The following MLLT10 variants were observed in gnomAD, a reference collection of about 807,000 sequenced individuals.
The protein encoded by MLLT10 is protein AF-10.
MLLT10 carries 30 observed loss-of-function variants against 129.1 expected under a neutral mutation model. The observed-to-expected ratio is 0.23, with a 90% confidence interval of 0.17 to 0.32. The LOEUF (loss-of-function observed/expected upper bound fraction) is 0.32. MLLT10 is among the 10% of genes least tolerant of loss of function. The pLI is 1.00. For synonymous variants in MLLT10, 490 were observed against 446.4 expected (o/e 1.10, Z -1.23); for missense variants, 1,119 against 1,268.3 (o/e 0.88, Z 1.79).
intron 14 of MLLT10, among the ~76,000 whole-genome samples, chr10:21,720,500 A>G (rs1347757068): frequency 6.6e-6 from 1 of 152,236 alleles, no homozygotes; most frequent in Non-Finnish European, 1.5e-5. Context: ...ATCCATGTCT[A>G]ATGTTCATTC....
chr10:21,644,679 T>A (rs1210141763), intron 8 of MLLT10, among the ~76,000 whole-genome samples: 2 of 152,142 alleles, frequency 1.3e-5, no homozygotes, highest in Non-Finnish European at 2.9e-5. Flanking sequence ...TCTCACTCTG[T>A]CCCCCAAGCT....
At chr10:21,598,843 C>G (rs746931212) in intron 5 of MLLT10, among the ~76,000 whole-genome samples, 2 of 151,612 alleles carry the variant, frequency 1.3e-5, no homozygotes, top group South Asian at 2.1e-4. Context: ...CAAGATCACA[C>G]CACTTCACTC....
At chr10:21,707,526 A>G (rs1281605257) in intron 13 of MLLT10, among the ~76,000 whole-genome samples, 1 of 152,168 alleles carries the variant, frequency 6.6e-6, no homozygotes, top group East Asian at 1.9e-4. Context: ...ATGCACTGCA[A>G]GTCCTTGTCC....
chr10:21,722,410 A>G (rs2057196446), intron 14 of MLLT10, among the ~76,000 whole-genome samples: 2 of 152,214 alleles, frequency 1.3e-5, no homozygotes, highest in South Asian at 2.1e-4. Context: ...CTTTCAATGC[A>G]CTTTTCAAAA....
chr10:21,543,334 T>TG (rs1357765693), intron 3 of MLLT10, among the ~76,000 whole-genome samples: 1 of 152,102 alleles, frequency 6.6e-6, no homozygotes, highest in Non-Finnish European at 1.5e-5. Flanking sequence ...TTGGCCAGGC[T>TG]GGTCTCGAAC....
At position 21,670,453 on chromosome 10, in the gene MLLT10, A is replaced by G. The variant is rs1564617450; in HGVS notation, c.800A>G (p.Tyr267Cys). The G allele has an allele frequency of 6.2e-7, 1 of 1,609,156 alleles. No individual in the cohort carries two copies. The highest frequency in any genetic ancestry group is 8.5e-7 in the Non-Finnish European group (1 of 1,178,470). The change falls in exon 10 of 23, where the codon TAT becomes TGT. Residue 267 changes from tyrosine (Y) to cysteine (C), a missense_variant. Physicochemically the swap from Tyr to Cys is radical, Grantham distance 194. Around this residue, in one of 5 missense-constraint regions of MLLT10, gnomAD observed 1,004 missense variants for 1,008.7 expected, o/e 1.00. Transcript: ENST00000307729. ...PSLTVTTEKT[Y>C]TSTSNNSISG... ...CTTTTTGAATCAAAATGTTAGACTT[A>G]TACAAGCACTAGCAACAACTCTATA...
chr10:21,550,564 C>T (rs1484421851), intron 3 of MLLT10, among the ~76,000 whole-genome samples: 2 of 152,134 alleles, frequency 1.3e-5, no homozygotes, highest in African/African-American at 2.4e-5. Flanking sequence ...CAGGGTCTTG[C>T]CCTGTTACCC....
chr10:21,659,092 T>A (rs1270730889), intron 9 of MLLT10, among the ~76,000 whole-genome samples: 1 of 151,566 alleles, frequency 6.6e-6, no homozygotes, highest in African/African-American at 2.4e-5. Flanking sequence ...GAGTATGTAT[T>A]CTGGATGCAG....
At chr10:21,683,010 G>A (rs2052903949) in intron 13 of MLLT10, among the ~76,000 whole-genome samples, 1 of 152,132 alleles carries the variant, frequency 6.6e-6, no homozygotes, top group Admixed American at 6.5e-5. Flanking sequence ...GTTCAAGACT[G>A]CTTGATTCCA....
In MLLT10 at chr10:21,730,961, C is replaced by A. The variant is rs765403699; in HGVS notation, c.2125C>A (p.Leu709Met). Residue 709 changes from leucine (L) to methionine (M), a missense_variant, in exon 17 of 23, where the codon CTG (leucine) becomes ATG (methionine). Physicochemically the swap from Leu to Met is conservative, Grantham distance 15. Around this residue, in one of 5 missense-constraint regions of MLLT10, gnomAD observed 1,004 missense variants for 1,008.7 expected, o/e 1.00. Coordinates refer to ENST00000307729, the MANE Select transcript of MLLT10 (RefSeq NM_001195626.3). ...ACCAGGCAACAGCAGTTTGGAAAAT[C>A]TGCCTCCAGTAGCAGCCAGCATAGA... The part of the protein sequence containing the change: ...DQPGNSSLEN[L>M]PPVAASIEQL... 6.2e-7 allele frequency: 1 copy of A among 1,614,214 alleles called. No individual in the cohort carries two copies. The highest frequency in any genetic ancestry group is 8.5e-7 in the Non-Finnish European group (1 of 1,180,038).
intron 20 of MLLT10, among the ~76,000 whole-genome samples, 157 bp from the exon 21 acceptor site, chr10:21,734,982 T>C: frequency 6.6e-6 from 1 of 152,150 alleles, no homozygotes; most frequent in Non-Finnish European, 1.5e-5. Context: ...AACATACATA[T>C]ATATAGAAAT....
intron 3 of MLLT10, among the ~76,000 whole-genome samples, chr10:21,556,196 A>C (rs1357489292): frequency 6.6e-6 from 1 of 151,952 alleles, no homozygotes; most frequent in Non-Finnish European, 1.5e-5. Flanking sequence ...GGCTGGTCTC[A>C]GGGTGGTCCG....
chr10:21,606,934 T>G (rs540598292), intron 5 of MLLT10, among the ~76,000 whole-genome samples: 1 of 152,334 alleles, frequency 6.6e-6, no homozygotes, highest in South Asian at 2.1e-4. Flanking sequence ...AGCAATGTTT[T>G]ATGAAAGGAA....
chr10:21,557,083 A>C lies in MLLT10; in HGVS notation c.240+18171A>C, dbSNP rs569666270. On this transcript the variant is annotated intron_variant, in intron 3 of 22. Transcript: ENST00000307729. ...CTCAACTCACAAACATTTTTGAATC[A>C]TCTCATGAATTCTGCTTTCCATTTA... 6.0e-5 allele frequency: 84 copies of C among 1,408,044 alleles called. No homozygotes were observed. In the African/African-American group the frequency reaches 1.2e-3, roughly 19 times the overall value. The allele number at this position is 1,408,044 out of a possible 1,614,324, so 87.2% of individuals were successfully genotyped here.
intron 2 of MLLT10, among the ~76,000 whole-genome samples, chr10:21,535,177 A>C: frequency 6.7e-6 from 1 of 148,972 alleles, no homozygotes; most frequent in East Asian, 2.0e-4. Context: ...TCCCGGGGCC[A>C]CGGGGGTGGG....
At chr10:21,651,976 A>C (rs936118633) in intron 9 of MLLT10, among the ~76,000 whole-genome samples, 4 of 138,650 alleles carry the variant, frequency 2.9e-5, no homozygotes, top group African/African-American at 1.1e-4. Context: ...GCTGTGGCAC[A>C]ATCTCAGCTC....
intron 3 of MLLT10, among the ~76,000 whole-genome samples, chr10:21,547,370 A>G (rs1282461549): frequency 8.4e-5 from 12 of 143,524 alleles, no homozygotes; most frequent in South Asian, 2.2e-4. Flanking sequence ...CGCACAATCT[A>G]TGTTATTGTT....
At chr10:21,587,757 A>G (rs1564461695) in intron 4 of MLLT10, among the ~76,000 whole-genome samples, 1 of 152,194 alleles carries the variant, frequency 6.6e-6, no homozygotes, top group Non-Finnish European at 1.5e-5. Flanking sequence ...TTGGCTAGAT[A>G]TATATATTTT....
rs1483736692 is a variant in MLLT10, at chr10:21,616,839, A to G, written c.604-273A>G. Among the ~76,000 whole-genome samples, 5 of 151,944 alleles carry G rather than the reference A, an allele frequency of 3.3e-5. No individual in the cohort carries two copies. In the East Asian group the frequency reaches 9.6e-4, roughly 29 times the overall value. On this transcript the variant is annotated intron_variant, in intron 7 of 22. Coordinates refer to ENST00000307729, the MANE Select transcript of MLLT10 (RefSeq NM_001195626.3). ...TTTTATTTTTAAGCTGATGTTGAAA[A>G]TATATAGTAGCTTATTTGAAAATAG...
Sources: gnomAD v4.1 joint callset for allele counts (sites outside exome capture counted in the v4.1 genomes callset) on GRCh38, gnomAD v4.1.1 for gene constraint, gnomAD v4.1.1 regional missense constraint, MANE v1.5 for transcripts, NCBI Gene and HGNC (gene_info 2026-07-23, HGNC 2026-07-21) for gene names.